The following CDH17 variants were observed in gnomAD, a reference collection of about 807,000 sequenced individuals.
CDH17 encodes the protein cadherin 17, also known as cadherin-17.
CDH17 carries 67 observed loss-of-function variants against 86.3 expected under a neutral mutation model. The observed-to-expected ratio is 0.78, with a 90% CI of 0.64 to 0.95. The LOEUF (loss-of-function observed/expected upper bound fraction) is 0.95. Ranked by LOEUF, CDH17 falls within the 40% of genes least tolerant of loss-of-function variation. The pLI, the probability that CDH17 is intolerant of heterozygous loss-of-function variation, is 0.00. For missense variants in CDH17, 993 were observed against 1,017.6 expected (o/e 0.98, Z 0.33); for synonymous variants, 367 against 366.4 (o/e 1.00, Z -0.02).
intron 15 of CDH17, among the ~76,000 whole-genome samples, chr8:94,139,076 C>A (rs1420742156): frequency 6.6e-6 from 1 of 151,998 alleles, no homozygotes; most frequent in African/African-American, 2.4e-5. Context: ...TGGGAAAAGA[C>A]ATGAAAACAG....
chr8:94,187,758 C>T (rs1813609480), intron 3 of CDH17, among the ~76,000 whole-genome samples: 1 of 152,146 alleles, frequency 6.6e-6, no homozygotes, highest in Non-Finnish European at 1.5e-5. Flanking sequence ...CTCCTGCCCT[C>T]TCCTGGCAGA....
In CDH17 at chr8:94,179,570, G is replaced by A. The variant is rs573518493; in HGVS notation, c.151-1849C>T. Among the ~76,000 whole-genome samples the A allele has an allele frequency of 4.6e-5, 7 of 152,324 alleles. No homozygotes were observed. In the East Asian group the frequency reaches 7.7e-4, roughly 17 times the overall value. On this transcript the variant is annotated intron_variant, in intron 3 of 17. Coordinates refer to ENST00000027335, the MANE Select transcript of CDH17 (RefSeq NM_004063.4). ...CTAATCCCTCACCTCTGGCTGACTT[G>A]GAGGCTCTGCATAAGCAGAAAGTGA...
intron 3 of CDH17, among the ~76,000 whole-genome samples, chr8:94,183,904 T>A (rs914125244): frequency 6.6e-6 from 1 of 152,064 alleles, no homozygotes; most frequent in African/African-American, 2.4e-5. Flanking sequence ...GCAAAGGATT[T>A]GAATAGACAT....
rs1313186312 is a variant in CDH17 at position 94,127,474 on chromosome 8, C to T, written c.*766G>A. 1 of 152,180 alleles carries T rather than the reference C, an allele frequency of 6.6e-6. No homozygotes were observed. Among genetic ancestry groups the T allele is most frequent in the Non-Finnish European group, 1.5e-5 (1 of 68,036 alleles). 9.4% of individuals were successfully genotyped at this position (152,180 alleles called of 1,614,324 possible). ...TTAAAGATGGTTAATGACACAGAAA[C>T]ATTTCTGTTAATACTAAGGGAAAAG... On this transcript the variant is annotated 3_prime_UTR_variant, in exon 18 of 18. Transcript: ENST00000027335.
chr8:94,159,947 C>A lies in CDH17; in HGVS notation c.1551+24G>T, dbSNP rs202135745. ...ATTAACCCACAAACAAAGACAAATT[C>A]TATTAAATAAATGGGCTATTTACCT... On this transcript the variant is annotated intron_variant, in intron 12 of 17. Coordinates refer to ENST00000027335, the MANE Select transcript of CDH17 (RefSeq NM_004063.4). 1,539 of 1,565,272 alleles carry A rather than the reference C, an allele frequency of 9.8e-4. 32 individuals are homozygous for A. The South Asian group carries it at 0.017, about 17-fold the overall frequency.
intron 12 of CDH17, among the ~76,000 whole-genome samples, chr8:94,158,410 A>G (rs1169955724): frequency 1.3e-5 from 2 of 152,082 alleles, no homozygotes; most frequent in Non-Finnish European, 2.9e-5. Flanking sequence ...GGGCCCATTA[A>G]CCACAAATGG....
intron 1 of CDH17, among the ~76,000 whole-genome samples, chr8:94,217,005 C>T (rs932737915): frequency 3.3e-5 from 5 of 152,210 alleles, no homozygotes; most frequent in Admixed American, 1.3e-4. Context: ...TCTCAATCTT[C>T]ACAGCAACAC....
upstream of CDH17, among the ~76,000 whole-genome samples, chr8:94,213,057 G>A (rs73695148): frequency 2.8e-3 from 426 of 152,330 alleles, 3 homozygotes; most frequent in African/African-American, 9.6e-3. Flanking sequence ...GCTCACTGCA[G>A]CCTCGACTTC....
At chr8:94,161,323 C>T (rs533638759) in intron 11 of CDH17, among the ~76,000 whole-genome samples, 1 of 152,308 alleles carries the variant, frequency 6.6e-6, no homozygotes, top group East Asian at 1.9e-4. Flanking sequence ...TAAATCAATT[C>T]CCTTCTTTGT....
At chr8:94,148,601 C>T in intron 14 of CDH17, 143 bp downstream of exon 14, 1 of 450,566 alleles carries the variant, frequency 2.2e-6, no homozygotes, top group Non-Finnish European at 3.7e-6. Flanking sequence ...ATATTTTGTA[C>T]CCTTCTCATC....
intron 15 of CDH17, among the ~76,000 whole-genome samples, chr8:94,136,198 C>A (rs982705116): frequency 1.2e-4 from 19 of 152,146 alleles, no homozygotes; most frequent in African/African-American, 4.6e-4. Flanking sequence ...TGAATGTTGG[C>A]CTGCCTTGCT....
At chr8:94,141,754 C>A (rs1165344642) in intron 15 of CDH17, among the ~76,000 whole-genome samples, 3 of 152,092 alleles carry the variant, frequency 2.0e-5, no homozygotes, top group Non-Finnish European at 2.9e-5. Context: ...GAGACATATA[C>A]CATGTTCATG....
intron 12 of CDH17, among the ~76,000 whole-genome samples, chr8:94,154,518 A>G (rs1162656007): frequency 6.6e-6 from 1 of 152,206 alleles, no homozygotes; most frequent in Non-Finnish European, 1.5e-5. Context: ...AACAGAGATG[A>G]CAGATGATCT....
chr8:94,195,760 A>ATT (rs5893269), intron 1 of CDH17, among the ~76,000 whole-genome samples: 14 of 144,780 alleles, frequency 9.7e-5, no homozygotes, highest in African/African-American at 3.1e-4. Flanking sequence ...AGTCAAGGAA[A>ATT]TTTTTTTTTT....
chr8:94,129,896 T>G (rs540482959), intron 17 of CDH17, among the ~76,000 whole-genome samples: 12 of 152,320 alleles, frequency 7.9e-5, no homozygotes, highest in African/African-American at 2.6e-4. Context: ...GAATTTTGTG[T>G]TGAGACTTGG....
At chr8:94,170,589 A>G (rs1404621512) in intron 8 of CDH17, 42 bp from the exon 9 acceptor site, 3 of 1,589,398 alleles carry the variant, frequency 1.9e-6, no homozygotes, top group Non-Finnish European at 1.7e-6. Flanking sequence ...CTCACCCACC[A>G]CCCTCTGTCA....
chr8:94,151,945 C>A lies in CDH17; in HGVS notation c.1719G>T (p.Ala573=). 3 of 1,614,152 alleles carry A rather than the reference C, an allele frequency of 1.9e-6. No individual in the cohort carries two copies. Among genetic ancestry groups the A allele is most frequent in the Non-Finnish European group, 2.5e-6 (3 of 1,180,010 alleles). The change falls in exon 13 of 18, where the codon GCG becomes GCT. Residue 573 remains alanine, a synonymous_variant. Coordinates refer to ENST00000027335, the MANE Select transcript of CDH17 (RefSeq NM_004063.4). ...CTATAGCTACATCCTCACTGACTTTCGCTTGGAATACGTGTTGGGAAAATT... is the reference window on the plus strand; with the variant it reads ...CTATAGCTACATCCTCACTGACTTTAGCTTGGAATACGTGTTGGGAAAATT... The part of the protein sequence containing the change: ...APQFSQHVFQ[A]KVSEDVAIGT...
chr8:94,137,364 G>C (rs537960223), intron 15 of CDH17, among the ~76,000 whole-genome samples: 1 of 152,260 alleles, frequency 6.6e-6, no homozygotes, highest in East Asian at 1.9e-4. Context: ...CCCTCTCCTA[G>C]CCAGGCTGCC....
intron 1 of CDH17, among the ~76,000 whole-genome samples, chr8:94,201,759 C>CAGTCATTAGGTG (rs1813917028): frequency 6.6e-6 from 1 of 152,200 alleles, no homozygotes; most frequent in East Asian, 1.9e-4. Context: ...TCACAGGGGG[C>CAGTCATTAGGTG]TCTGCTCAGT....
Sources: allele counts gnomAD v4.1 joint callset (sites outside exome capture counted in the v4.1 genomes callset), GRCh38; gene constraint gnomAD v4.1.1; transcripts MANE v1.5; gene names NCBI Gene and HGNC (gene_info 2026-07-23, HGNC 2026-07-21).